ETFA: variants seen among roughly 807,000 people sequenced by gnomAD.
ETFA encodes electron transfer flavoprotein subunit alpha, mitochondrial.
Under a neutral mutation model 46.2 loss-of-function variants are expected in ETFA, and 22 were observed. The observed-to-expected ratio is 0.48, with a 90% CI of 0.34 to 0.68. The LOEUF is 0.68. Ranked by LOEUF, ETFA falls within the 30% of genes least tolerant of loss-of-function variation. The probability of loss-of-function intolerance (pLI) is 0.01; values close to 1 mark genes in which losing one functional copy is unlikely to be tolerated. For synonymous variants in ETFA, 131 were observed against 139.9 expected, an observed-to-expected ratio of 0.94 and a Z score of 0.45; for missense variants, 345 against 401.1, an observed-to-expected ratio of 0.86 and a Z score of 1.19.
In ETFA at chr15:76,311,319, C is replaced by G. The variant is rs145572423; in HGVS notation, c.39+31G>C. 1,659 of 1,551,536 alleles carry G rather than the reference C, an allele frequency of 1.1e-3. 12 individuals are homozygous for G. The African/African-American group carries it at 0.017, about 16-fold the overall frequency. On this transcript the variant is annotated intron_variant, in intron 1 of 11. Coordinates refer to ENST00000557943, the MANE Select transcript of ETFA (RefSeq NM_000126.4). ...GGACGGCGGGTTGACGGGGGGCCGT[C>G]CCTGGGTTCGCCTTCCCAGTCCGGA...
chr15:76,288,037 G>T, intron 4 of ETFA, 92 bp from the exon 5 acceptor site: 1 of 834,246 alleles, frequency 1.2e-6, no homozygotes. Flanking sequence ...TGCATATTCT[G>T]TAGAAATTTT....
intron 11 of ETFA, among the ~76,000 whole-genome samples, chr15:76,220,913 C>T (rs1177464302): frequency 6.6e-6 from 1 of 152,284 alleles, no homozygotes; most frequent in East Asian, 1.9e-4. Flanking sequence ...TGAAAACAAC[C>T]TGACGGTTAT....
In ETFA at chr15:76,292,489, G is replaced by A; in HGVS notation, c.293C>T (p.Ala98Val). The change falls in exon 4 of 12, where the codon GCA (alanine) becomes GTA (valine). Residue 98 changes from alanine (A) to valine (V), a missense_variant. By Grantham distance (64) the Ala-to-Val change is moderately conservative. Transcript: ENST00000557943. ...TGTGTAATTGAACTGCTTCTGAGTT[G>A]CCAAAATCAATGGTGTCAGTTCCTC... The part of the protein sequence containing the change: ...LPEELTPLIL[A>V]TQKQFNYTHI... 6.2e-7 allele frequency: 1 copy of A among 1,613,570 alleles called. No homozygotes were observed. Among genetic ancestry groups the A allele is most frequent in the Non-Finnish European group, 8.5e-7 (1 of 1,179,514 alleles).
intron 1 of ETFA, among the ~76,000 whole-genome samples, chr15:76,303,999 C>A (rs561321089): frequency 6.6e-6 from 1 of 152,354 alleles, no homozygotes; most frequent in South Asian, 2.1e-4. Flanking sequence ...ATGTTCATGG[C>A]AGCACTATTC....
chr15:76,275,043 C>G lies in ETFA; in HGVS notation c.734-549G>C, dbSNP rs147662463. On this transcript the variant is annotated intron_variant, in intron 8 of 11. Transcript: ENST00000557943. ...TGAAAAGGACAGAGGGAGCCATAGA[C>G]AATACAACTAACAACCTCCAAAAAC... 5.1e-3 allele frequency among the ~76,000 whole-genome samples: 774 copies of G among 152,256 alleles called. 9 individuals carry two copies. Among genetic ancestry groups the G allele is most frequent in the African/African-American group, 0.018 (746 of 41,554 alleles).
chr15:76,263,249 C>T (rs2039435707), intron 9 of ETFA, among the ~76,000 whole-genome samples: 1 of 152,204 alleles, frequency 6.6e-6, no homozygotes, highest in Non-Finnish European at 1.5e-5. Context: ...CACTTTCTTT[C>T]ATCTTTTCTC....
At chr15:76,297,207 C>A (rs2039833754) in intron 1 of ETFA, among the ~76,000 whole-genome samples, 1 of 152,054 alleles carries the variant, frequency 6.6e-6, no homozygotes, top group Middle Eastern at 3.2e-3. Context: ...AATGAAAGTT[C>A]TTAGAAAGCA....
chr15:76,286,366 C>G lies in ETFA; in HGVS notation c.562+5G>C. 6.3e-7 allele frequency: 1 copy of G among 1,577,168 alleles called. No homozygotes were observed. Among genetic ancestry groups the G allele is most frequent in the East Asian group, 2.2e-5 (1 of 44,668 alleles). ...AAAACAAAAAAACTCCAAATGAACA[C>G]TCACCCTTTTCTGAACTGGCACTAC... is the stretch of plus-strand genomic sequence containing the variant. On this transcript the variant is annotated splice_donor_5th_base_variant and intron_variant, in intron 6 of 11. Transcript: ENST00000557943.
At chr15:76,296,139 G>A (rs1010034758) in intron 1 of ETFA, among the ~76,000 whole-genome samples, 2 of 151,470 alleles carry the variant, frequency 1.3e-5, no homozygotes, top group African/African-American at 2.4e-5. Flanking sequence ...CAGTAGAGAC[G>A]GGGTTTCACA....
At chr15:76,254,730 G>A (rs907834438) in intron 9 of ETFA, among the ~76,000 whole-genome samples, 1 of 152,116 alleles carries the variant, frequency 6.6e-6, no homozygotes, top group Admixed American at 6.5e-5. Flanking sequence ...TAGAATGTAT[G>A]CATCTGTATT....
At chr15:76,248,776 C>A (rs755655291) in intron 9 of ETFA, among the ~76,000 whole-genome samples, 1 of 151,832 alleles carries the variant, frequency 6.6e-6, no homozygotes, top group African/African-American at 2.4e-5. Context: ...ACTCAGGAGG[C>A]TGAGGTGGGA....
chr15:76,253,360 T>G (rs546450275), intron 9 of ETFA, among the ~76,000 whole-genome samples: 1 of 152,192 alleles, frequency 6.6e-6, no homozygotes, highest in African/African-American at 2.4e-5. Context: ...TTTTTTCAAA[T>G]TAATAAAATA....
chr15:76,259,064 GTGCTCTGCCTGCCCTGGC>G (rs544328898), intron 9 of ETFA: 4 of 1,596,292 alleles, frequency 2.5e-6, no homozygotes, highest in Non-Finnish European at 3.4e-6. Context: ...TCTCTGGCTG[GTGCTCTGCCTGCCCTGGC>G]TGCTCAGCCA....
At chr15:76,252,873 G>GTA (rs531050086) in intron 9 of ETFA, among the ~76,000 whole-genome samples, 5 of 110,390 alleles carry the variant, frequency 4.5e-5, no homozygotes, top group Non-Finnish European at 9.5e-5. Flanking sequence ...AAATGTATGT[G>GTA]TATACACACA....
At chr15:76,259,834 C>T in intron 9 of ETFA, 1 of 1,544,982 alleles carries the variant, frequency 6.5e-7, no homozygotes, top group Non-Finnish European at 8.9e-7. Context: ...TAAAGGGGTT[C>T]TCCCCAAGCC....
intron 8 of ETFA, among the ~76,000 whole-genome samples, chr15:76,283,518 A>G (rs936755635): frequency 3.9e-5 from 6 of 152,168 alleles, no homozygotes; most frequent in African/African-American, 1.4e-4. Flanking sequence ...AAGTGAAGAA[A>G]AAAGAAAACC....
At chr15:76,222,594 T>C (rs1162381227) in intron 11 of ETFA, among the ~76,000 whole-genome samples, 1 of 152,138 alleles carries the variant, frequency 6.6e-6, no homozygotes, top group Non-Finnish European at 1.5e-5. Context: ...ACAATAGTAG[T>C]GGTGAGCCAC....
At chr15:76,239,240 C>T (rs1453107823) in intron 9 of ETFA, among the ~76,000 whole-genome samples, 1 of 152,086 alleles carries the variant, frequency 6.6e-6, no homozygotes, top group African/African-American at 2.4e-5. Flanking sequence ...GGCAGGTTCT[C>T]CCTCCCCAGC....
intron 1 of ETFA, among the ~76,000 whole-genome samples, chr15:76,307,681 G>A (rs184141188): frequency 1.0e-3 from 156 of 151,608 alleles, no homozygotes; most frequent in Non-Finnish European, 1.9e-3. Flanking sequence ...ATGGGGTTTC[G>A]CCATGTTGCG....
Sources: allele counts gnomAD v4.1 joint callset (sites outside exome capture counted in the v4.1 genomes callset), GRCh38; gene constraint gnomAD v4.1.1; transcripts MANE v1.5; gene names NCBI Gene and HGNC (gene_info 2026-07-23, HGNC 2026-07-21).